Variants in LUZP2 observed in about 807,000 individuals in gnomAD.
The protein encoded by LUZP2 is leucine zipper protein 2.
Under a neutral mutation model 51.6 loss-of-function variants are expected in LUZP2, and 52 were observed. The ratio of observed to expected loss-of-function variants is 1.01; its 90% confidence interval spans 0.81 to 1.27. The LOEUF (loss-of-function observed/expected upper bound fraction) is 1.27. LUZP2 is among the 50% of genes most tolerant of loss of function. The probability of loss-of-function intolerance (pLI) is 0.00; values close to 1 mark genes in which losing one functional copy is unlikely to be tolerated. For missense variants in LUZP2, 436 were observed against 395.4 expected, an observed-to-expected ratio of 1.10 and a Z score of -0.87; for synonymous variants, 154 against 137.3, an observed-to-expected ratio of 1.12 and a Z score of -0.85.
intron 1 of LUZP2, among the ~76,000 whole-genome samples, chr11:24,585,799 A>G (rs1853044175): frequency 6.6e-6 from 1 of 152,082 alleles, no homozygotes; most frequent in Non-Finnish European, 1.5e-5. Flanking sequence ...TATTTTATTT[A>G]AAGTTCTGTC....
At chr11:24,694,032 A>G (rs549708597) in intron 1 of LUZP2, among the ~76,000 whole-genome samples, 1 of 152,076 alleles carries the variant, frequency 6.6e-6, no homozygotes, top group Non-Finnish European at 1.5e-5. Context: ...TCAGAGAGCA[A>G]TTTGGAAAAA....
intron 5 of LUZP2, among the ~76,000 whole-genome samples, chr11:24,895,808 G>A (rs1249548452): frequency 6.6e-6 from 1 of 152,202 alleles, no homozygotes; most frequent in Non-Finnish European, 1.5e-5. Flanking sequence ...GTGAGTGCAT[G>A]TGTCTTTTGG....
intron 4 of LUZP2, among the ~76,000 whole-genome samples, chr11:24,741,751 T>C (rs1373387186): frequency 6.7e-6 from 1 of 148,404 alleles, no homozygotes; most frequent in East Asian, 2.0e-4. Flanking sequence ...AATTTGTTCC[T>C]TTTTGTGGCT....
At chr11:24,572,977 T>C (rs1352892068) in intron 1 of LUZP2, among the ~76,000 whole-genome samples, 1 of 152,052 alleles carries the variant, frequency 6.6e-6, no homozygotes, top group African/African-American at 2.4e-5. Context: ...TTATAAGTAG[T>C]TAATTCCAAA....
intron 1 of LUZP2, among the ~76,000 whole-genome samples, chr11:24,599,297 A>AAATG (rs1360059831): frequency 1.3e-5 from 2 of 152,124 alleles, no homozygotes; most frequent in Non-Finnish European, 2.9e-5. Flanking sequence ...CTCAAGTGTG[A>AAATG]AATGTATCAT....
At chr11:24,642,832 A>C (rs532306346) in intron 1 of LUZP2, among the ~76,000 whole-genome samples, 2 of 152,218 alleles carry the variant, frequency 1.3e-5, no homozygotes, top group East Asian at 3.9e-4. Context: ...AGGATATATC[A>C]GGGGTAAGGG....
At chr11:24,594,469 ACT>A (rs1197600435) in intron 1 of LUZP2, among the ~76,000 whole-genome samples, 2 of 152,078 alleles carry the variant, frequency 1.3e-5, no homozygotes, top group Admixed American at 6.6e-5. Flanking sequence ...GAAGAAGCAT[ACT>A]CTCAAGTTAT....
rs892644339 is a variant in LUZP2 at position 24,610,636 on chromosome 11, C to A, written c.62+113331C>A. 3.9e-5 allele frequency among the ~76,000 whole-genome samples: 6 copies of A among 152,108 alleles called. No individual in the cohort carries two copies. The East Asian group carries it at 9.6e-4, about 24-fold the overall frequency. On this transcript the variant is annotated intron_variant, in intron 1 of 11. Coordinates refer to ENST00000336930, the MANE Select transcript of LUZP2 (RefSeq NM_001009909.4). ...GGTTCTACTTAAAGAGTAAACTTTT[C>A]TATTTTCATAATTTTCAAGAATTCA...
chr11:24,504,017 C>G (rs868664270), intron 1 of LUZP2, among the ~76,000 whole-genome samples: 10 of 152,244 alleles, frequency 6.6e-5, no homozygotes, highest in Middle Eastern at 3.4e-3. Flanking sequence ...GATTCTAGGT[C>G]ATTTTCAAAA....
chr11:24,647,103 C>T (rs10742048), intron 1 of LUZP2, among the ~76,000 whole-genome samples: 93,067 of 151,666 alleles, frequency 0.61, 29,136 homozygotes, highest in East Asian at 0.85. Context: ...ACTCTTTCCA[C>T]GCACTCATTG....
chr11:24,618,219 C>T (rs1005084256), intron 1 of LUZP2, among the ~76,000 whole-genome samples: 1 of 152,198 alleles, frequency 6.6e-6, no homozygotes, highest in Non-Finnish European at 1.5e-5. Context: ...GGAAGCAACA[C>T]AGCCAAGAAT....
intron 1 of LUZP2, among the ~76,000 whole-genome samples, chr11:24,724,958 G>A (rs187005975): frequency 5.9e-5 from 9 of 152,196 alleles, no homozygotes; most frequent in South Asian, 2.1e-4. Flanking sequence ...AAGAATTTCC[G>A]TATTATAAAA....
At chr11:24,727,096 A>G (rs775568007) in intron 1 of LUZP2, among the ~76,000 whole-genome samples, 7 of 152,122 alleles carry the variant, frequency 4.6e-5, no homozygotes, top group Non-Finnish European at 7.4e-5. Context: ...TTGAAAATCA[A>G]ATATGAAGGT....
chr11:24,600,968 T>G (rs1394300632), intron 1 of LUZP2, among the ~76,000 whole-genome samples: 1 of 152,126 alleles, frequency 6.6e-6, no homozygotes, highest in Non-Finnish European at 1.5e-5. Context: ...CAAATGTAAT[T>G]AAGAGTACTA....
At chr11:24,498,773 G>C (rs1026661516) in intron 1 of LUZP2, among the ~76,000 whole-genome samples, 5 of 152,118 alleles carry the variant, frequency 3.3e-5, no homozygotes, top group Non-Finnish European at 5.9e-5. Context: ...TTGTGATTTA[G>C]TCTTCTAGAG....
At chr11:24,713,550 G>T (rs1471522206) in intron 1 of LUZP2, among the ~76,000 whole-genome samples, 1 of 151,808 alleles carries the variant, frequency 6.6e-6, no homozygotes, top group Admixed American at 6.6e-5. Context: ...GAAAATAAAA[G>T]TTAATACAGG....
intron 1 of LUZP2, among the ~76,000 whole-genome samples, chr11:24,511,081 C>T (rs1850294670): frequency 1.3e-5 from 2 of 152,188 alleles, no homozygotes; most frequent in Admixed American, 6.5e-5. Context: ...TTGTAGCCTT[C>T]TTACCTCTGC....
chr11:24,522,065 A>G (rs1850658293), intron 1 of LUZP2, among the ~76,000 whole-genome samples: 1 of 152,178 alleles, frequency 6.6e-6, no homozygotes, highest in African/African-American at 2.4e-5. Context: ...ACAAATAAAA[A>G]TGGCTACCTT....
chr11:24,522,043 A>G (rs1850657281), intron 1 of LUZP2, among the ~76,000 whole-genome samples: 1 of 152,160 alleles, frequency 6.6e-6, no homozygotes, highest in African/African-American at 2.4e-5. Flanking sequence ...ATAACTGACC[A>G]CGAGATTCTC....
Sources: gnomAD v4.1 joint callset for allele counts (sites outside exome capture counted in the v4.1 genomes callset) on GRCh38, gnomAD v4.1.1 for gene constraint, MANE v1.5 for transcripts, NCBI Gene and HGNC (gene_info 2026-07-23, HGNC 2026-07-21) for gene names.